CSMD1: variants seen among roughly 807,000 people sequenced by gnomAD.
CSMD1 encodes the protein CUB and Sushi multiple domains 1.
A neutral mutation model predicts 417.5 loss-of-function variants in CSMD1; 213 were observed. That is an observed-to-expected ratio of 0.51 (90% CI 0.46 to 0.57). The LOEUF (loss-of-function observed/expected upper bound fraction) is 0.57, where lower values mean the gene tolerates loss of function less well. Among genes scored for constraint, CSMD1 ranks in the 20% least tolerant of loss-of-function variants. The probability of loss-of-function intolerance (pLI) is 0.00; values close to 1 mark genes in which losing one functional copy is unlikely to be tolerated. For missense variants in CSMD1, 6,923 were observed against 4,529.7 expected (o/e 1.53, Z -15.17); for synonymous variants, 2,862 against 1,736.8 (o/e 1.65, Z -16.11).
intron 11 of CSMD1, among the ~76,000 whole-genome samples, chr8:3,483,798 G>A (rs905903971): frequency 6.6e-6 from 1 of 152,100 alleles, no homozygotes. Flanking sequence ...CAATCATGAA[G>A]TAGAATTTAT....
chr8:4,469,998 G>A (rs1174470615), intron 2 of CSMD1, among the ~76,000 whole-genome samples: 2 of 151,862 alleles, frequency 1.3e-5, no homozygotes, highest in Non-Finnish European at 2.9e-5. Context: ...CTCCCGAGTA[G>A]CTGGGATTAC....
intron 1 of CSMD1, among the ~76,000 whole-genome samples, chr8:4,696,019 G>A (rs1172903319): frequency 6.6e-6 from 1 of 152,154 alleles, no homozygotes; most frequent in Non-Finnish European, 1.5e-5. Flanking sequence ...ACATTAGTCA[G>A]GAGACTTTGA....
chr8:4,534,805 C>T (rs1460882402), intron 2 of CSMD1, among the ~76,000 whole-genome samples: 118 of 152,222 alleles, frequency 7.8e-4, no homozygotes, highest in Non-Finnish European at 2.9e-4. Context: ...CTCCGTTGCC[C>T]AGGCTGGAGT....
intron 18 of CSMD1, among the ~76,000 whole-genome samples, chr8:3,373,155 C>G (rs190874738): frequency 6.6e-6 from 1 of 152,200 alleles, no homozygotes. Flanking sequence ...TCATATCCAA[C>G]TATGTTTAAC....
At position 3,391,851 on chromosome 8, in the gene CSMD1, G is replaced by C. The variant is rs184099294; in HGVS notation, c.2594-4169C>G. Among the ~76,000 whole-genome samples the C allele has an allele frequency of 1.4e-3, 214 of 152,266 alleles. 1 individual carries two copies. Among genetic ancestry groups the C allele is most frequent in the Middle Eastern group, 6.8e-3 (2 of 294 alleles). The stretch of plus-strand genomic sequence containing the variant: ...TGAAGAAGCGTCATTAATAATTTCA[G>C]AAAGCAAGGAGTGTTTATAATGTGA... On this transcript the variant is annotated intron_variant, in intron 17 of 69. Coordinates refer to ENST00000635120, the MANE Select transcript of CSMD1 (RefSeq NM_033225.6).
chr8:4,420,200 C>G (rs1205957026), intron 2 of CSMD1, 135 bp from the exon 3 acceptor site: 4 of 540,864 alleles, frequency 7.4e-6, no homozygotes, highest in Non-Finnish European at 1.3e-5. Flanking sequence ...TTAGATAATC[C>G]ATACACATAG....
chr8:4,673,671 T>C (rs771409906), intron 1 of CSMD1, among the ~76,000 whole-genome samples: 6 of 152,166 alleles, frequency 3.9e-5, no homozygotes, highest in Non-Finnish European at 7.4e-5. Flanking sequence ...ACTCTGCTAA[T>C]GCTTCCTCAA....
Position 3,439,306 on chromosome 8 carries a change from TA to T in CSMD1, c.1561+29405del, listed in dbSNP as rs796844359. Reference sequence around the variant, plus strand: ...GTATATATATATATATATATATATATATATTTTTTTTTTTAATATGTATTTT... The same window carrying T: ...GTATATATATATATATATATATATATTATTTTTTTTTTTAATATGTATTTT... On this transcript the variant is annotated intron_variant, in intron 12 of 69. Coordinates refer to ENST00000635120, the MANE Select transcript of CSMD1 (RefSeq NM_033225.6). Among the ~76,000 whole-genome samples the T allele has an allele frequency of 6.2e-3, 309 of 49,864 alleles. 4 individuals are homozygous for T. The highest frequency in any genetic ancestry group is 0.021 in the Middle Eastern group (2 of 94). The allele number at this position is 49,864 out of a possible 152,430, so 32.7% of individuals were successfully genotyped here. A position where few individuals can be genotyped will look rare whatever the true frequency, so the allele number is the denominator to read the frequency against.
intron 5 of CSMD1, among the ~76,000 whole-genome samples, chr8:3,760,463 G>C (rs1054346678): frequency 9.9e-5 from 15 of 152,116 alleles, no homozygotes; most frequent in African/African-American, 3.6e-4. Context: ...CCAAATAATT[G>C]TACCATACAT....
At chr8:4,194,510 G>T (rs760186013) in intron 3 of CSMD1, among the ~76,000 whole-genome samples, 1 of 152,052 alleles carries the variant, frequency 6.6e-6, no homozygotes, top group Non-Finnish European at 1.5e-5. Context: ...TGTAAATAAT[G>T]CCAGGAAGCA....
chr8:4,904,327 A>C (rs1007393992), intron 1 of CSMD1, among the ~76,000 whole-genome samples: 1 of 152,260 alleles, frequency 6.6e-6, no homozygotes, highest in Non-Finnish European at 1.5e-5. Context: ...ATAATTTATT[A>C]CATCTATGAG....
chr8:4,614,300 G>A (rs1335707604), intron 2 of CSMD1, among the ~76,000 whole-genome samples: 1 of 152,136 alleles, frequency 6.6e-6, no homozygotes, highest in Non-Finnish European at 1.5e-5. Flanking sequence ...GGACACAAAG[G>A]CCAAAACTCT....
chr8:4,257,065 T>G (rs1224784459), intron 3 of CSMD1, among the ~76,000 whole-genome samples: 3 of 152,168 alleles, frequency 2.0e-5, no homozygotes, highest in African/African-American at 7.2e-5. Flanking sequence ...ATTTTAAAAT[T>G]GACAGTCTCT....
At chr8:3,468,591 A>T in intron 12 of CSMD1, 121 bp downstream of exon 12, 1 of 601,172 alleles carries the variant, frequency 1.7e-6, no homozygotes, top group Non-Finnish European at 2.9e-6. Context: ...TCCCGTCATG[A>T]TTCCTATTTA....
chr8:4,967,083 T>G (rs1354835835), intron 1 of CSMD1, among the ~76,000 whole-genome samples: 1 of 152,214 alleles, frequency 6.6e-6, no homozygotes, highest in Non-Finnish European at 1.5e-5. Context: ...GTCACTGATT[T>G]GAAATGTCTG....
intron 23 of CSMD1, among the ~76,000 whole-genome samples, chr8:3,314,331 A>G (rs1464669919): frequency 6.6e-6 from 1 of 152,178 alleles, no homozygotes; most frequent in Non-Finnish European, 1.5e-5. Flanking sequence ...AGATATTTCC[A>G]TTTTAATGTG....
At chr8:3,019,045 G>A (rs1423391175) in intron 51 of CSMD1, among the ~76,000 whole-genome samples, 3 of 152,102 alleles carry the variant, frequency 2.0e-5, no homozygotes, top group Non-Finnish European at 4.4e-5. Context: ...AGCCTCCCGA[G>A]TAGCTGCGAT....
intron 25 of CSMD1, among the ~76,000 whole-genome samples, chr8:3,299,188 ACGC>A (rs1804193750): frequency 6.6e-6 from 1 of 152,216 alleles, no homozygotes; most frequent in Non-Finnish European, 1.5e-5. Flanking sequence ...ATGGTGGCTC[ACGC>A]CTGTAATCCC....
chr8:4,616,309 G>T (rs772212475), intron 2 of CSMD1, among the ~76,000 whole-genome samples: 1 of 152,168 alleles, frequency 6.6e-6, no homozygotes, highest in East Asian at 1.9e-4. Flanking sequence ...GTTTTCTTCA[G>T]GAAAATAATA....
Sources: allele counts gnomAD v4.1 joint callset (sites outside exome capture counted in the v4.1 genomes callset), GRCh38; gene constraint gnomAD v4.1.1; transcripts MANE v1.5; gene names NCBI Gene and HGNC (gene_info 2026-07-23, HGNC 2026-07-21).